Variants in EYS observed in about 807,000 individuals in gnomAD.
EYS encodes protein eyes shut homolog.
A neutral mutation model predicts 282.1 loss-of-function variants in EYS; 250 were observed. That is an observed-to-expected ratio of 0.89 (90% CI 0.80 to 0.98). The LOEUF is 0.98. EYS is among the 50% of genes least tolerant of loss of function. The probability of loss-of-function intolerance (pLI) is 0.00; values close to 1 mark genes in which losing one functional copy is unlikely to be tolerated. For synonymous variants in EYS, 1,355 were observed against 1,282.9 expected (o/e 1.06, Z -1.20); for missense variants, 4,016 against 3,709.0 (o/e 1.08, Z -2.15).
At chr6:64,133,794 C>A (rs1461274644) in intron 31 of EYS, among the ~76,000 whole-genome samples, 2 of 151,994 alleles carry the variant, frequency 1.3e-5, no homozygotes, top group Admixed American at 1.3e-4. Flanking sequence ...TATAAGAGGA[C>A]TTGCCTTCAC....
chr6:64,640,993 A>C (rs193245654), intron 22 of EYS, among the ~76,000 whole-genome samples: 159 of 152,314 alleles, frequency 1.0e-3, no homozygotes, highest in African/African-American at 3.4e-3. Flanking sequence ...TTCAGTTGAA[A>C]TTAAATTCTC....
intron 12 of EYS, among the ~76,000 whole-genome samples, chr6:65,259,530 G>C (rs1362379353): frequency 1.3e-5 from 2 of 152,056 alleles, no homozygotes; most frequent in Admixed American, 1.3e-4. Context: ...AATTTAGATA[G>C]TAAAATTGCC....
intron 31 of EYS, among the ~76,000 whole-genome samples, chr6:64,182,254 A>G (rs1764807542): frequency 6.6e-6 from 1 of 152,134 alleles, no homozygotes; most frequent in Non-Finnish European, 1.5e-5. Context: ...CAATCACACT[A>G]TTTCCCCAAC....
intron 14 of EYS, among the ~76,000 whole-genome samples, chr6:64,992,180 C>T (rs1771087289): frequency 6.6e-6 from 1 of 151,718 alleles, no homozygotes; most frequent in Non-Finnish European, 1.5e-5. Flanking sequence ...TAGGTATTTG[C>T]TTATGCATAT....
chr6:64,341,655 T>G (rs1771117672), intron 29 of EYS, among the ~76,000 whole-genome samples: 1 of 151,692 alleles, frequency 6.6e-6, no homozygotes, highest in Non-Finnish European at 1.5e-5. Flanking sequence ...ATTTACCCCC[T>G]CTTTATTGTA....
intron 36 of EYS, among the ~76,000 whole-genome samples, chr6:63,839,561 G>A (rs982889341): frequency 1.6e-4 from 24 of 152,068 alleles, no homozygotes; most frequent in African/African-American, 5.6e-4. Flanking sequence ...ATGGCCCAGA[G>A]TGGTTTTGAA....
intron 28 of EYS, among the ~76,000 whole-genome samples, chr6:64,421,860 GGT>G (rs58632994): frequency 5.1e-5 from 7 of 138,352 alleles, no homozygotes; most frequent in South Asian, 2.4e-4. Flanking sequence ...TTGTTTGGGG[GGT>G]GTGTGTGTGT....
chr6:65,387,897 G>C (rs1743061778), intron 7 of EYS, among the ~76,000 whole-genome samples: 1 of 151,900 alleles, frequency 6.6e-6, no homozygotes, highest in Non-Finnish European at 1.5e-5. Flanking sequence ...GCATACATGG[G>C]GATTCTGATG....
At chr6:64,562,695 T>C (rs1004449369) in intron 26 of EYS, among the ~76,000 whole-genome samples, 3 of 151,994 alleles carry the variant, frequency 2.0e-5, no homozygotes, top group Non-Finnish European at 4.4e-5. Flanking sequence ...AAGATTGTTA[T>C]AGATGAATTC....
chr6:64,080,540 T>G (rs1187103261), intron 32 of EYS, among the ~76,000 whole-genome samples: 1 of 152,218 alleles, frequency 6.6e-6, no homozygotes, highest in Non-Finnish European at 1.5e-5. Flanking sequence ...TCTTTTGCTG[T>G]GCAGAAGCTC....
At chr6:64,344,695 C>T (rs1479836502) in intron 29 of EYS, among the ~76,000 whole-genome samples, 3 of 151,962 alleles carry the variant, frequency 2.0e-5, no homozygotes, top group Non-Finnish European at 4.4e-5. Context: ...GAAGTTCTGG[C>T]CAGGGCAATC....
In EYS at chr6:63,998,970, T is replaced by C; in HGVS notation, c.6834+105A>G. ...CTTTGTTGAGAGTTTTTACAAGGAA[T>C]CTGTTCAATTAAGAAATATGATTAC... On this transcript the variant is annotated intron_variant, in intron 34 of 42. Transcript: ENST00000503581. The C allele has an allele frequency of 4.3e-6, 3 of 689,904 alleles. No homozygotes were observed. The South Asian group carries it at 5.6e-5, about 13-fold the overall frequency. The allele number at this position is 689,904 out of a possible 1,614,324, so 42.7% of individuals were successfully genotyped here.
rs531351016 is a variant in EYS, at chr6:64,851,382, T to C, written c.2993-28560A>G. ...CATAAAATGTCAGAAGCAAATAATT[T>C]ATGTTCTAGAGTCAAAGATTCACAT... On this transcript the variant is annotated intron_variant, in intron 19 of 42. Transcript: ENST00000503581. Among the ~76,000 whole-genome samples, 77 of 152,214 alleles carry C rather than the reference T, an allele frequency of 5.1e-4. 1 individual carries two copies. Among genetic ancestry groups the C allele is most frequent in the African/African-American group, 1.8e-3 (74 of 41,554 alleles).
chr6:64,668,761 G>A (rs1174746688), intron 22 of EYS, among the ~76,000 whole-genome samples: 2 of 151,504 alleles, frequency 1.3e-5, no homozygotes, highest in Admixed American at 1.3e-4. Context: ...TAGAGACGGG[G>A]TTTCAGCATG....
At chr6:65,290,705 A>T (rs1195162592) in intron 12 of EYS, among the ~76,000 whole-genome samples, 1 of 151,450 alleles carries the variant, frequency 6.6e-6, no homozygotes, top group African/African-American at 2.4e-5. Flanking sequence ...CGCATCTAAA[A>T]GACCAAAATT....
At chr6:65,049,622 C>T (rs1773205682) in intron 13 of EYS, among the ~76,000 whole-genome samples, 1 of 151,650 alleles carries the variant, frequency 6.6e-6, no homozygotes, top group Admixed American at 6.6e-5. Flanking sequence ...ATTTAGAAAA[C>T]AATAGCGTTG....
chr6:63,843,695 A>G (rs565538849), intron 36 of EYS, among the ~76,000 whole-genome samples: 36 of 152,334 alleles, frequency 2.4e-4, no homozygotes, highest in African/African-American at 8.4e-4. Context: ...CCAGCACAAG[A>G]CAAGGATGCC....
intron 36 of EYS, among the ~76,000 whole-genome samples, chr6:63,813,136 G>A (rs1771091473): frequency 6.6e-6 from 1 of 151,988 alleles, no homozygotes; most frequent in South Asian, 2.1e-4. Flanking sequence ...CCGCCACCAT[G>A]CCTGGCTAAC....
At chr6:64,520,759 G>A (rs546034106) in intron 26 of EYS, among the ~76,000 whole-genome samples, 33 of 151,652 alleles carry the variant, frequency 2.2e-4, no homozygotes, top group Non-Finnish European at 3.1e-4. Context: ...GCTTTGCTAC[G>A]GGGTACTGTA....
Sources: allele counts gnomAD v4.1 joint callset (sites outside exome capture counted in the v4.1 genomes callset), GRCh38; gene constraint gnomAD v4.1.1; transcripts MANE v1.5; gene names NCBI Gene and HGNC (gene_info 2026-07-23, HGNC 2026-07-21).